Variants in ZNF90 observed in about 807,000 individuals in gnomAD.
ZNF90 encodes zinc finger protein 90.
A neutral mutation model predicts 12.0 loss-of-function variants in ZNF90; 11 were observed. The ratio of observed to expected loss-of-function variants is 0.92; its 90% CI spans 0.58 to 1.52. The LOEUF is 1.52. ZNF90 is among the 40% of genes most tolerant of loss of function. ZNF90 has a pLI of 0.00. For missense variants in ZNF90, 765 were observed against 711.5 expected, an observed-to-expected ratio of 1.08 and a Z score of -0.86; for synonymous variants, 232 against 240.1, an observed-to-expected ratio of 0.97 and a Z score of 0.31.
rs28514435 is a variant in ZNF90, at chr19:20,078,961, A to G, written c.3+826A>G. 8.6e-3 allele frequency among the ~76,000 whole-genome samples: 1,309 copies of G among 152,212 alleles called. 14 individuals carry two copies. Among genetic ancestry groups the G allele is most frequent in the African/African-American group, 0.03 (1,237 of 41,526 alleles). On this transcript the variant is annotated intron_variant, in intron 1 of 3. Transcript: ENST00000418063. Reference sequence around the variant, plus strand: ...GTGGTGAAACCTCTCTCTACTAAAAATACAAAAATTAGCCTGGAGTGGTGC... The same window carrying G: ...GTGGTGAAACCTCTCTCTACTAAAAGTACAAAAATTAGCCTGGAGTGGTGC...
chr19:20,105,443 G>T (rs533046963), intron 3 of ZNF90, 127 bp downstream of exon 3: 12 of 734,564 alleles, frequency 1.6e-5, no homozygotes, highest in Non-Finnish European at 2.6e-5. Context: ...CTGGGATTCT[G>T]TTTTTTGTTT....
chr19:20,078,230 G>C, intron 1 of ZNF90, 95 bp downstream of exon 1: 2 of 1,526,980 alleles, frequency 1.3e-6, no homozygotes. Flanking sequence ...CCCGCAGTCA[G>C]CTCCACAATC....
At chr19:20,078,874 G>C (rs1463230649) in intron 1 of ZNF90, among the ~76,000 whole-genome samples, 4 of 152,004 alleles carry the variant, frequency 2.6e-5, no homozygotes, top group African/African-American at 9.7e-5. Flanking sequence ...TGTAATTTCA[G>C]CACTTTGGGG....
rs782119879 is a variant in ZNF90, at chr19:20,118,842, T to A, written c.1288T>A (p.Cys430Ser). 10 of 1,605,266 alleles carry A rather than the reference T, an allele frequency of 6.2e-6. No individual in the cohort carries two copies. The highest frequency in any genetic ancestry group is 8.5e-6 in the Non-Finnish European group (10 of 1,175,852). Residue 430 changes from cysteine (C) to serine (S), a missense_variant, in exon 4 of 4, where the codon TGT (cysteine) becomes AGT (serine). By Grantham distance (112) the Cys-to-Ser change is moderately radical (BLOSUM62 -1). Transcript: ENST00000418063. ...TEEKPYKCQE[C>S]DKVFKRSSAL... is the part of the protein sequence containing the mutation. ...AGAGAAACCCTACAAATGTCAAGAATGTGACAAAGTCTTCAAACGCTCCTC... is the reference window on the plus strand; with the variant it reads ...AGAGAAACCCTACAAATGTCAAGAAAGTGACAAAGTCTTCAAACGCTCCTC...
chr19:20,079,008 A>G (rs888961779), intron 1 of ZNF90, among the ~76,000 whole-genome samples: 3 of 151,824 alleles, frequency 2.0e-5, no homozygotes, highest in Non-Finnish European at 2.9e-5. Flanking sequence ...AATCCCAGCA[A>G]CTTGGGAGGC....
In ZNF90 at chr19:20,119,220, A is replaced by G. The variant is rs1365883974; in HGVS notation, c.1666A>G (p.Lys556Glu). The G allele has an allele frequency of 6.8e-6, 11 of 1,613,826 alleles. No homozygotes were observed. Among genetic ancestry groups the G allele is most frequent in the Non-Finnish European group, 9.3e-6 (11 of 1,179,914 alleles). Residue 556 changes from lysine to glutamate, a missense_variant, in exon 4 of 4, where the codon AAG becomes GAG. Lys to Glu is a moderately conservative substitution (Grantham distance 56). Coordinates refer to ENST00000418063, the MANE Select transcript of ZNF90 (RefSeq NM_007138.2). ...FKRSSQLTSHKISHTGEKPYK... is the reference protein window; with the variant it reads ...FKRSSQLTSHEISHTGEKPYK... The stretch of plus-strand genomic sequence containing the variant: ...GCGCTCCTCACAGCTTACTAGTCAT[A>G]AGATAAGTCATACTGGAGAGAAACC...
In ZNF90 at chr19:20,117,967, C is replaced by A; in HGVS notation, c.413C>A (p.Thr138Lys). 1 of 1,613,382 alleles carries A rather than the reference C, an allele frequency of 6.2e-7. No homozygotes were observed. The highest frequency in any genetic ancestry group is 2.2e-5 in the East Asian group (1 of 44,856). The change falls in exon 4 of 4, where the codon ACA (threonine) becomes AAA (lysine). Residue 138 changes from threonine to lysine, a missense_variant. Coordinates refer to ENST00000418063, the MANE Select transcript of ZNF90 (RefSeq NM_007138.2). ...TATAATGGACTTAACCAATGTTTGA[C>A]AGCTACCCAGAGCAAAGTATTTCAA... is the stretch of plus-strand genomic sequence containing the variant. ...RGYNGLNQCLTATQSKVFQCD... is the reference protein window; with the variant it reads ...RGYNGLNQCLKATQSKVFQCD...
chr19:20,119,156 G>A lies in ZNF90; in HGVS notation c.1602G>A (p.Ala534=), dbSNP rs549768663. The change falls in exon 4 of 4, where the codon GCG becomes GCA. Residue 534 remains alanine, a synonymous_variant. Transcript: ENST00000418063. ...LSKHKIIHTG[A]KPYKCEECGK... ...AACATAAGATAATTCATACTGGAGC[G>A]AAACCCTACAAATGTGAAGAATGTG... 580 of 1,612,694 alleles carry A rather than the reference G, an allele frequency of 3.6e-4. 2 individuals are homozygous for A. In the South Asian group the frequency reaches 5.0e-3, roughly 14 times the overall value.
chr19:20,110,424 AC>A (rs1237334122), intron 3 of ZNF90, among the ~76,000 whole-genome samples: 3 of 151,902 alleles, frequency 2.0e-5, no homozygotes, highest in Non-Finnish European at 2.9e-5. Flanking sequence ...GATTACAGGC[AC>A]CCACTACCAT....
At chr19:20,081,600 A>G (rs943778486) in intron 1 of ZNF90, among the ~76,000 whole-genome samples, 4 of 152,020 alleles carry the variant, frequency 2.6e-5, no homozygotes, top group Admixed American at 2.0e-4. Flanking sequence ...TTCTCCATCA[A>G]CCTAAAGGTC....
chr19:20,118,493 C>T lies in ZNF90; in HGVS notation c.939C>T (p.Tyr313=), dbSNP rs1555706041. Residue 313 remains tyrosine (Y), a synonymous_variant, in exon 4 of 4, where the codon TAC becomes TAT. Coordinates refer to ENST00000418063, the MANE Select transcript of ZNF90 (RefSeq NM_007138.2). ...TAAGTCATACTGAAGAGAAACCCTA[C>T]AAATGTGAAGAATGTGGCAAAGCCT... The part of the protein sequence containing the change: ...HKISHTEEKP[Y]KCEECGKAFK... 1 of 1,613,690 alleles carries T rather than the reference C, an allele frequency of 6.2e-7. No individual in the cohort carries two copies. Among genetic ancestry groups the T allele is most frequent in the East Asian group, 2.2e-5 (1 of 44,860 alleles).
intron 3 of ZNF90, among the ~76,000 whole-genome samples, chr19:20,114,466 G>A (rs1447115026): frequency 6.6e-6 from 1 of 152,018 alleles, no homozygotes; most frequent in East Asian, 1.9e-4. Flanking sequence ...GAGCATAACT[G>A]ATTTATATAT....
At chr19:20,103,981 C>G (rs546304723) in intron 1 of ZNF90, among the ~76,000 whole-genome samples, 1 of 152,264 alleles carries the variant, frequency 6.6e-6, no homozygotes, top group East Asian at 1.9e-4. Context: ...TGTTCATGTT[C>G]ATGCCCTTAA....
rs1334955845 is a variant in ZNF90, at chr19:20,118,274, T to C, written c.720T>C (p.Tyr240=). Reference sequence around the variant, plus strand: ...AAGATTGTGGCAAAGAATTAAAGTATTCCTCTACCCTTACTGCACATAAGA... The same window carrying C: ...AAGATTGTGGCAAAGAATTAAAGTACTCCTCTACCCTTACTGCACATAAGA... ...KCEDCGKELK[Y]SSTLTAHKRI... is the part of the protein sequence containing the mutation. The change falls in exon 4 of 4, where the codon TAT becomes TAC. Residue 240 remains tyrosine (Y), a synonymous_variant. Transcript: ENST00000418063. The C allele has an allele frequency of 3.9e-5, 60 of 1,552,510 alleles. No homozygotes were observed. The highest frequency in any genetic ancestry group is 1.4e-5 in the African/African-American group (1 of 72,106).
Position 20,118,765 on chromosome 19 carries a change from A to G in ZNF90, c.1211A>G (p.Lys404Arg). Residue 404 changes from lysine (K) to arginine (R), a missense_variant, in exon 4 of 4, where the codon AAA (lysine) becomes AGA (arginine). Physicochemically the swap from Lys to Arg is conservative, Grantham distance 26. Transcript: ENST00000418063. ...CCCTACAAATGTGAAGAATGTGGCAAAGCCTTCAAGCGCTCCTCAACACTT... is the reference window on the plus strand; with the variant it reads ...CCCTACAAATGTGAAGAATGTGGCAGAGCCTTCAAGCGCTCCTCAACACTT... ...KKPYKCEECG[K>R]AFKRSSTLTI... 1 of 1,608,308 alleles carries G rather than the reference A, an allele frequency of 6.2e-7. No individual in the cohort carries two copies. The highest frequency in any genetic ancestry group is 8.5e-7 in the Non-Finnish European group (1 of 1,177,250).
At chr19:20,092,805 G>A (rs545879895) in intron 1 of ZNF90, among the ~76,000 whole-genome samples, 3 of 152,170 alleles carry the variant, frequency 2.0e-5, no homozygotes, top group Non-Finnish European at 4.4e-5. Context: ...GGGGATACCC[G>A]ATATCCTTTG....
rs1228504523 is a variant in ZNF90 at position 20,118,079 on chromosome 19, T to C, written c.525T>C (p.Cys175=). The C allele has an allele frequency of 1.2e-6, 2 of 1,613,316 alleles. No homozygotes were observed. Among genetic ancestry groups the C allele is most frequent in the East Asian group, 4.5e-5 (2 of 44,866 alleles). The change falls in exon 4 of 4, where the codon TGT becomes TGC. Residue 175 remains cysteine, a synonymous_variant. Coordinates refer to ENST00000418063, the MANE Select transcript of ZNF90 (RefSeq NM_007138.2). Reference sequence around the variant, plus strand: ...ATACTGGAAAAAAACCTTTCAAATGTATAGAATGTGGCAAAGCTTTCAACC... The same window carrying C: ...ATACTGGAAAAAAACCTTTCAAATGCATAGAATGTGGCAAAGCTTTCAACC... The part of the protein sequence containing the change: ...IRDTGKKPFK[C]IECGKAFNQS...
rs782163489 is a variant in ZNF90, at chr19:20,118,632, A to C, written c.1078A>C (p.Lys360Gln). The C allele has an allele frequency of 6.2e-7, 1 of 1,612,074 alleles. No individual in the cohort carries two copies. Among genetic ancestry groups the C allele is most frequent in the African/African-American group, 1.3e-5 (1 of 74,822 alleles). Residue 360 changes from lysine (K) to glutamine (Q), a missense_variant, in exon 4 of 4, where the codon AAG becomes CAG. Lys to Gln is a moderately conservative substitution (Grantham distance 53, BLOSUM62 1). Coordinates refer to ENST00000418063, the MANE Select transcript of ZNF90 (RefSeq NM_007138.2). ...GCGCTCCTTAGTCCTTCGTACACATAAGAGAATTCATACTGGAGAGAAACC... is the reference window on the plus strand; with the variant it reads ...GCGCTCCTTAGTCCTTCGTACACATCAGAGAATTCATACTGGAGAGAAACC... ...FRRSLVLRTHKRIHTGEKPYK... is the reference protein window; with the variant it reads ...FRRSLVLRTHQRIHTGEKPYK...
At chr19:20,080,421 G>C in intron 1 of ZNF90, 1 of 347,178 alleles carries the variant, frequency 2.9e-6, no homozygotes, top group Non-Finnish European at 5.7e-6. Flanking sequence ...GATGCGGCGG[G>C]GGCCAATCTT....
Sources: allele counts gnomAD v4.1 joint callset (sites outside exome capture counted in the v4.1 genomes callset), GRCh38; gene constraint gnomAD v4.1.1; transcripts MANE v1.5; gene names NCBI Gene and HGNC (gene_info 2026-07-23, HGNC 2026-07-21).